The following GREB1L variants were observed in gnomAD, a reference collection of about 807,000 sequenced individuals.
GREB1L encodes the protein GREB1-like protein.
Under a neutral mutation model 200.8 loss-of-function variants are expected in GREB1L, and 17 were observed. The ratio of observed to expected loss-of-function variants is 0.08; its 90% confidence interval spans 0.06 to 0.13. The LOEUF (loss-of-function observed/expected upper bound fraction) is 0.13, where lower values mean the gene tolerates loss of function less well. Ranked by LOEUF, GREB1L falls within the 10% of genes least tolerant of loss-of-function variation. GREB1L has a pLI of 1.00. For synonymous variants in GREB1L, 789 were observed against 893.0 expected (o/e 0.88, Z 2.08); for missense variants, 1,657 against 2,367.7 (o/e 0.70, Z 6.23).
intron 7 of GREB1L, among the ~76,000 whole-genome samples, chr18:21,426,182 G>A (rs553338199): frequency 1.3e-4 from 20 of 151,058 alleles, no homozygotes; most frequent in Middle Eastern, 6.9e-3. Context: ...TCAGCCTCCT[G>A]AGTAGCTGGG....
chr18:21,295,641 A>G (rs1167822834), intron 1 of GREB1L, among the ~76,000 whole-genome samples: 2 of 152,240 alleles, frequency 1.3e-5, no homozygotes, highest in African/African-American at 4.8e-5. Flanking sequence ...GAGCATATGC[A>G]GGAGTATAAT....
At chr18:21,376,812 CAAAAA>C (rs534144361) in intron 2 of GREB1L, among the ~76,000 whole-genome samples, 2 of 59,642 alleles carry the variant, frequency 3.4e-5, no homozygotes, top group Non-Finnish European at 7.1e-5. Context: ...GAGTCCGTCT[CAAAAA>C]AAAAAAAAAA....
chr18:21,444,554 C>T, intron 11 of GREB1L, 145 bp downstream of exon 11: 1 of 699,010 alleles, frequency 1.4e-6, no homozygotes, highest in Non-Finnish European at 2.4e-6. Context: ...ACCCCATTCT[C>T]TGTAACTTTT....
chr18:21,359,635 T>C (rs2039554304), intron 1 of GREB1L, among the ~76,000 whole-genome samples: 1 of 152,196 alleles, frequency 6.6e-6, no homozygotes, highest in African/African-American at 2.4e-5. Context: ...CTGCGTCTCA[T>C]CTCCATTCAG....
At chr18:21,379,299 C>T (rs1305100018) in intron 2 of GREB1L, among the ~76,000 whole-genome samples, 3 of 152,092 alleles carry the variant, frequency 2.0e-5, no homozygotes, top group South Asian at 2.1e-4. Context: ...CTCCGCCTCC[C>T]GGGTTCAAGC....
In GREB1L at chr18:21,524,782, T is replaced by TATTA. The variant is rs1555666258; in HGVS notation, c.*1962_*1965dup. 2 of 152,022 alleles carry TATTA rather than the reference T, an allele frequency of 1.3e-5. No individual in the cohort carries two copies. The highest frequency in any genetic ancestry group is 2.9e-5 in the Non-Finnish European group (2 of 68,002). 9.4% of individuals were successfully genotyped at this position (152,022 alleles called of 1,614,324 possible). A position where few individuals can be genotyped will look rare whatever the true frequency, so the allele number is the denominator to read the frequency against. On this transcript the variant is annotated 3_prime_UTR_variant, in exon 33 of 33. Transcript: ENST00000424526. ...AGGGCTGCACTCTGAAAATTCAAAT[T>TATTA]ATTATTATGAGCTCTTAAATACTAT... is the stretch of plus-strand genomic sequence containing the variant.
At chr18:21,486,303 G>A (rs1042872185) in intron 18 of GREB1L, among the ~76,000 whole-genome samples, 3 of 150,756 alleles carry the variant, frequency 2.0e-5, no homozygotes, top group South Asian at 2.1e-4. Flanking sequence ...GCAGTGAGCC[G>A]AGACCACGCC....
chr18:21,329,610 T>G (rs1235778478), intron 1 of GREB1L, among the ~76,000 whole-genome samples: 2 of 152,152 alleles, frequency 1.3e-5, no homozygotes. Context: ...CACCTGGCTT[T>G]GAGCAGCATT....
At chr18:21,263,657 T>C (rs1371668018) in intron 1 of GREB1L, among the ~76,000 whole-genome samples, 2 of 152,198 alleles carry the variant, frequency 1.3e-5, no homozygotes, top group East Asian at 1.9e-4. Flanking sequence ...TCTGTTGTCA[T>C]ATATCTGCAA....
chr18:21,452,686 C>CT (rs1457663050), intron 14 of GREB1L, among the ~76,000 whole-genome samples: 16 of 152,186 alleles, frequency 1.1e-4, no homozygotes, highest in Admixed American at 9.2e-4. Context: ...AACATGTCAT[C>CT]TGCCCTACAA....
At chr18:21,268,592 T>TATATATATATATAC (rs1555623557) in intron 1 of GREB1L, among the ~76,000 whole-genome samples, 2 of 128,354 alleles carry the variant, frequency 1.6e-5, no homozygotes, top group African/African-American at 5.7e-5. Context: ...TATATATATA[T>TATATATATATATAC]ACATGTATAT....
chr18:21,439,641 C>T lies in GREB1L; in HGVS notation c.949+4C>T. 1 of 1,498,274 alleles carries T rather than the reference C, an allele frequency of 6.7e-7. No homozygotes were observed. The highest frequency in any genetic ancestry group is 9.1e-7 in the Non-Finnish European group (1 of 1,097,652). 92.8% of individuals were successfully genotyped at this position (1,498,274 alleles called of 1,614,324 possible). ...AGCTATGCATCAGGAGATCAAGGTA[C>T]AATGCCTGTCGTAGAGTTTTGTAAT... On this transcript the variant is annotated splice_donor_region_variant and intron_variant, in intron 8 of 32. Coordinates refer to ENST00000424526, the MANE Select transcript of GREB1L (RefSeq NM_001142966.3).
At chr18:21,341,873 C>T (rs1377193926) in intron 1 of GREB1L, among the ~76,000 whole-genome samples, 2 of 151,914 alleles carry the variant, frequency 1.3e-5, no homozygotes, top group Non-Finnish European at 1.5e-5. Context: ...GCTTATGACC[C>T]TATTAGGCTT....
Position 21,525,378 on chromosome 18 carries a change from T to G in GREB1L, c.*2557T>G, listed in dbSNP as rs901738930. The G allele has an allele frequency of 6.6e-6, 1 of 152,184 alleles. No individual in the cohort carries two copies. Among genetic ancestry groups the G allele is most frequent in the Non-Finnish European group, 1.5e-5 (1 of 68,028 alleles). 9.4% of individuals were successfully genotyped at this position (152,184 alleles called of 1,614,324 possible). A position where few individuals can be genotyped will look rare whatever the true frequency, so the allele number is the denominator to read the frequency against. ...TACTGTTATATTTTTGTCCTTTGAT[T>G]TAATTTGCTTAATGTATTAAAGTTA... On this transcript the variant is annotated 3_prime_UTR_variant, in exon 33 of 33. Transcript: ENST00000424526.
chr18:21,455,428 T>G (rs2034712525), intron 15 of GREB1L, among the ~76,000 whole-genome samples: 1 of 152,054 alleles, frequency 6.6e-6, no homozygotes, highest in Non-Finnish European at 1.5e-5. Context: ...GCACCTGTAA[T>G]CCCAGCACTT....
chr18:21,418,084 A>G (rs2031816522), intron 7 of GREB1L, among the ~76,000 whole-genome samples: 1 of 152,182 alleles, frequency 6.6e-6, no homozygotes, highest in Non-Finnish European at 1.5e-5. Context: ...GATGATTGTT[A>G]CACCAGTATA....
At chr18:21,287,775 A>G (rs1168517322) in intron 1 of GREB1L, among the ~76,000 whole-genome samples, 1 of 151,778 alleles carries the variant, frequency 6.6e-6, no homozygotes, top group East Asian at 1.9e-4. Flanking sequence ...ACCTATCTGC[A>G]TGAAATAAGT....
At chr18:21,355,471 C>T (rs761742986) in intron 1 of GREB1L, among the ~76,000 whole-genome samples, 3 of 152,098 alleles carry the variant, frequency 2.0e-5, no homozygotes, top group Non-Finnish European at 1.5e-5. Flanking sequence ...GGATTACAGG[C>T]GTGAGCCACC....
intron 1 of GREB1L, among the ~76,000 whole-genome samples, chr18:21,301,083 T>C (rs1284113857): frequency 6.6e-6 from 1 of 152,242 alleles, no homozygotes; most frequent in African/African-American, 2.4e-5. Flanking sequence ...GAGTGTTTGA[T>C]ATCTGGCAGG....
Sources: allele counts gnomAD v4.1 joint callset (sites outside exome capture counted in the v4.1 genomes callset), GRCh38; gene constraint gnomAD v4.1.1; transcripts MANE v1.5; gene names NCBI Gene and HGNC (gene_info 2026-07-23, HGNC 2026-07-21).